The following ELMO1 variants were observed in gnomAD, a reference collection of about 807,000 sequenced individuals.
ELMO1 encodes engulfment and cell motility 1.
A neutral mutation model predicts 98.9 loss-of-function variants in ELMO1; 26 were observed. The observed-to-expected ratio is 0.26, with a 90% CI of 0.19 to 0.36. The LOEUF (loss-of-function observed/expected upper bound fraction) is 0.36, where lower values mean the gene tolerates loss of function less well. ELMO1 is among the 10% of genes least tolerant of loss of function. ELMO1 has a pLI of 1.00. For synonymous variants in ELMO1, 346 were observed against 346.0 expected, an observed-to-expected ratio of 1.00 and a Z score of 0.00; for missense variants, 627 against 935.2, an observed-to-expected ratio of 0.67 and a Z score of 4.30.
chr7:37,084,583 C>A (rs756228291), intron 15 of ELMO1, among the ~76,000 whole-genome samples: 1 of 152,156 alleles, frequency 6.6e-6, no homozygotes, highest in Non-Finnish European at 1.5e-5. Context: ...CTAATACCTG[C>A]ATCACCTCAG....
At chr7:37,168,614 T>C (rs1789911967) in intron 13 of ELMO1, among the ~76,000 whole-genome samples, 1 of 152,202 alleles carries the variant, frequency 6.6e-6, no homozygotes, top group Admixed American at 6.5e-5. Context: ...TCAGACCCTG[T>C]TTGCCTGGGT....
intron 16 of ELMO1, among the ~76,000 whole-genome samples, chr7:36,943,319 C>T (rs1787207206): frequency 6.6e-6 from 1 of 152,200 alleles, no homozygotes; most frequent in Non-Finnish European, 1.5e-5. Context: ...CAGAGTAACA[C>T]GGTGTTTATA....
At chr7:37,439,852 A>G (rs976530312) in intron 1 of ELMO1, among the ~76,000 whole-genome samples, 1 of 152,212 alleles carries the variant, frequency 6.6e-6, no homozygotes, top group African/African-American at 2.4e-5. Flanking sequence ...ATTCCTTGAC[A>G]AAATGTTTAA....
chr7:37,208,613 T>A (rs1792773622), intron 13 of ELMO1, among the ~76,000 whole-genome samples: 1 of 152,178 alleles, frequency 6.6e-6, no homozygotes, highest in Non-Finnish European at 1.5e-5. Flanking sequence ...AGCCAGACCC[T>A]GATATCATCA....
chr7:37,289,774 TC>T (rs1295530104), intron 4 of ELMO1, among the ~76,000 whole-genome samples: 2 of 39,722 alleles, frequency 5.0e-5, no homozygotes, highest in African/African-American at 8.5e-5. Flanking sequence ...CTCTATTTTC[TC>T]TTTTTTTTGC....
chr7:37,374,093 C>T (rs1212707263), intron 1 of ELMO1, among the ~76,000 whole-genome samples: 7 of 152,160 alleles, frequency 4.6e-5, no homozygotes, highest in Admixed American at 4.6e-4. Context: ...CTTTGGTCTG[C>T]TTTTCCCAAG....
chr7:36,897,336 G>GTGTGTGTGTGTGTGTGTGTGTGTGTA (rs1554351183), intron 16 of ELMO1, among the ~76,000 whole-genome samples: 6,005 of 148,264 alleles, frequency 0.041, 208 homozygotes, highest in African/African-American at 0.078. Flanking sequence ...GTGTGTGTGT[G>GTGTGTGTGTGTGTGTGTGTGTGTGTA]TGTGTGTGTG....
At chr7:37,386,890 C>T (rs901080821) in intron 1 of ELMO1, among the ~76,000 whole-genome samples, 1 of 152,190 alleles carries the variant, frequency 6.6e-6, no homozygotes, top group Admixed American at 6.5e-5. Flanking sequence ...TTGTAATTGA[C>T]TCAGAGTTTT....
chr7:37,088,098 G>A (rs1783882295), intron 15 of ELMO1, among the ~76,000 whole-genome samples: 1 of 152,168 alleles, frequency 6.6e-6, no homozygotes, highest in South Asian at 2.1e-4. Flanking sequence ...TCTTAGCCAT[G>A]ACCTCTAAGA....
At chr7:37,165,578 G>C (rs1265049740) in intron 13 of ELMO1, among the ~76,000 whole-genome samples, 1 of 152,060 alleles carries the variant, frequency 6.6e-6, no homozygotes, top group African/African-American at 2.4e-5. Context: ...GGCCTTTTCT[G>C]CATCTATTGA....
intron 13 of ELMO1, among the ~76,000 whole-genome samples, chr7:37,206,578 A>G (rs890318021): frequency 2.0e-5 from 3 of 152,208 alleles, no homozygotes; most frequent in Non-Finnish European, 4.4e-5. Context: ...CAACCCCTGC[A>G]TATGTAATTT....
At chr7:37,041,020 C>A (rs1290913504) in intron 15 of ELMO1, among the ~76,000 whole-genome samples, 2 of 152,010 alleles carry the variant, frequency 1.3e-5, no homozygotes, top group Non-Finnish European at 2.9e-5. Flanking sequence ...GCAGAGGTTG[C>A]GGTGAGCCGA....
At chr7:37,428,274 A>G (rs1343359907) in intron 1 of ELMO1, among the ~76,000 whole-genome samples, 1 of 152,160 alleles carries the variant, frequency 6.6e-6, no homozygotes, top group East Asian at 1.9e-4. Context: ...CTGAGTGATC[A>G]CTTTTGCAAC....
At chr7:37,153,950 C>T (rs184948765) in intron 13 of ELMO1, among the ~76,000 whole-genome samples, 51 of 152,246 alleles carry the variant, frequency 3.3e-4, no homozygotes, top group African/African-American at 1.2e-3. Flanking sequence ...TGGGACAAAG[C>T]TTCCAGAGGA....
chr7:37,423,877 C>T (rs1177195690), intron 1 of ELMO1, among the ~76,000 whole-genome samples: 3 of 152,202 alleles, frequency 2.0e-5, no homozygotes, highest in African/African-American at 7.2e-5. Context: ...AGTCGCATGT[C>T]TAATCACTAA....
At chr7:37,028,470 G>A (rs777351068) in intron 15 of ELMO1, among the ~76,000 whole-genome samples, 14 of 152,140 alleles carry the variant, frequency 9.2e-5, no homozygotes, top group Non-Finnish European at 1.8e-4. Flanking sequence ...TGGCAGACAT[G>A]TATTCCCATA....
intron 15 of ELMO1, chr7:37,033,218 C>G (rs1274867479): frequency 1.1e-5 from 4 of 350,326 alleles, no homozygotes; most frequent in Non-Finnish European, 2.3e-5. Context: ...TTATGGTACC[C>G]AAATAAACGG....
intron 1 of ELMO1, among the ~76,000 whole-genome samples, chr7:37,407,961 A>G (rs1446684210): frequency 1.3e-5 from 2 of 152,168 alleles, no homozygotes; most frequent in East Asian, 3.8e-4. Context: ...TTTCTCTTAG[A>G]AAAAAATTGA....
intron 15 of ELMO1, among the ~76,000 whole-genome samples, chr7:37,087,009 A>G (rs1783825492): frequency 6.6e-6 from 1 of 152,178 alleles, no homozygotes; most frequent in Non-Finnish European, 1.5e-5. Context: ...TCTATTGTAT[A>G]TTTTGGCAAA....
Sources: gnomAD v4.1 joint callset for allele counts (sites outside exome capture counted in the v4.1 genomes callset) on GRCh38, gnomAD v4.1.1 for gene constraint, MANE v1.5 for transcripts, NCBI Gene and HGNC (gene_info 2026-07-23, HGNC 2026-07-21) for gene names.